Variants in KIF11 observed in about 807,000 individuals in gnomAD.
KIF11 encodes kinesin-like protein KIF11.
A neutral mutation model predicts 121.0 loss-of-function variants in KIF11; 9 were observed. The ratio of observed to expected loss-of-function variants is 0.07; its 90% CI spans 0.04 to 0.13. The LOEUF is 0.13. KIF11 is among the 10% of genes least tolerant of loss of function. The pLI, the probability that KIF11 is intolerant of heterozygous loss-of-function variation, is 1.00. For synonymous variants in KIF11, 408 were observed against 421.0 expected, an observed-to-expected ratio of 0.97 and a Z score of 0.38; for missense variants, 846 against 1,217.5, an observed-to-expected ratio of 0.69 and a Z score of 4.54.
intron 6 of KIF11, among the ~76,000 whole-genome samples, chr10:92,610,502 T>A (rs1354131037): frequency 6.6e-6 from 1 of 152,204 alleles, no homozygotes; most frequent in Non-Finnish European, 1.5e-5. Context: ...AAATTCCAAA[T>A]TCTACAGATA....
chr10:92,629,199 G>C (rs939757934), intron 11 of KIF11, among the ~76,000 whole-genome samples: 7 of 151,884 alleles, frequency 4.6e-5, no homozygotes, highest in Non-Finnish European at 7.4e-5. Context: ...GGCCAGGCTG[G>C]TCTTGAACTC....
chr10:92,643,703 C>T (rs892376646), intron 17 of KIF11, among the ~76,000 whole-genome samples: 2 of 151,860 alleles, frequency 1.3e-5, no homozygotes, highest in Non-Finnish European at 2.9e-5. Context: ...ATTACAGGCA[C>T]CTACCACCAT....
Position 92,628,870 on chromosome 10 carries a change from G to T in KIF11, c.1280G>T (p.Gly427Val), listed in dbSNP as rs975246337. The change falls in exon 11 of 22, where the codon GGT (glycine) becomes GTT (valine). Residue 427 changes from glycine to valine, a missense_variant. Around this residue, in one of 5 missense-constraint regions of KIF11, gnomAD observed 95 missense variants for 109.3 expected, o/e 0.87. Transcript: ENST00000260731. The part of the protein sequence containing the change: ...EQIVELIEKI[G>V]AVEEELNRVT... ...ATTGTAGAATTGATTGAAAAAATTG[G>T]TGCTGTTGAGGAGGAGCTGAATAGG... 6.2e-7 allele frequency: 1 copy of T among 1,600,104 alleles called. No homozygotes were observed. The highest frequency in any genetic ancestry group is 1.3e-5 in the African/African-American group (1 of 74,590).
intron 1 of KIF11, among the ~76,000 whole-genome samples, chr10:92,599,987 A>ATTT (rs556928832): frequency 5.4e-5 from 6 of 110,892 alleles, no homozygotes; most frequent in African/African-American, 2.8e-4. Context: ...ACTTCTGTTT[A>ATTT]TTATTATTAT....
In KIF11 at chr10:92,593,365, C is replaced by T. The variant is rs1844253064; in HGVS notation, c.-11C>T. On this transcript the variant is annotated 5_prime_UTR_variant, in exon 1 of 22. Coordinates refer to ENST00000260731, the MANE Select transcript of KIF11 (RefSeq NM_004523.4). ...CCGCGGCCGGGCCTTGATTTTTTGG[C>T]GGGGACCGTCATGGCGTCGCAGCCA... 2.5e-6 allele frequency: 4 copies of T among 1,602,786 alleles called. No individual in the cohort carries two copies. Among genetic ancestry groups the T allele is most frequent in the South Asian group, 2.2e-5 (2 of 89,046 alleles).
intron 4 of KIF11, among the ~76,000 whole-genome samples, chr10:92,608,295 C>A (rs12247024): frequency 0.087 from 13,132 of 151,358 alleles, 653 homozygotes; most frequent in Middle Eastern, 0.11. Context: ...AAATTATTGA[C>A]AGTTGGGTAG....
intron 21 of KIF11, among the ~76,000 whole-genome samples, chr10:92,651,507 G>GTATTTTTT (rs1554863366): frequency 0.012 from 648 of 52,962 alleles, 200 homozygotes; most frequent in Middle Eastern, 0.037. Context: ...GGCTAATTTT[G>GTATTTTTT]TTTTTTTTTT....
rs1273023170 is a variant in KIF11, at chr10:92,613,335, A to G, written c.790-42A>G. ...TGAGAATGAAAGTCTTTGAATCCAA[A>G]TCCAATAGACTCACTTTTTATTTTT... On this transcript the variant is annotated intron_variant, in intron 7 of 21. Transcript: ENST00000260731. This position sits in a 1 kb window ranked among gnomAD's most constrained non-coding sequence, Gnocchi z 4.2. 2.1e-6 allele frequency: 3 copies of G among 1,414,334 alleles called. No individual in the cohort carries two copies. Among genetic ancestry groups the G allele is most frequent in the Middle Eastern group, 3.8e-4 (2 of 5,278 alleles). 87.6% of individuals were successfully genotyped at this position (1,414,334 alleles called of 1,614,324 possible).
rs41290170 is a variant in KIF11 at position 92,653,906 on chromosome 10, G to A, written c.*110G>A. On this transcript the variant is annotated 3_prime_UTR_variant, in exon 22 of 22. Transcript: ENST00000260731. Reference sequence around the variant, plus strand: ...TTTTAAAAGAATATATATATCAGCCGGGCGCGGTGGCTCATGCCTGTAATC... The same window carrying A: ...TTTTAAAAGAATATATATATCAGCCAGGCGCGGTGGCTCATGCCTGTAATC... The A allele has an allele frequency of 5.6e-3, 5,313 of 945,406 alleles. 35 individuals are homozygous for A. Among genetic ancestry groups the A allele is most frequent in the South Asian group, 0.012 (644 of 52,902 alleles). The allele number at this position is 945,406 out of a possible 1,614,324, so 58.6% of individuals were successfully genotyped here.
intron 10 of KIF11, among the ~76,000 whole-genome samples, chr10:92,625,740 C>T (rs1209398995): frequency 6.6e-6 from 1 of 152,166 alleles, no homozygotes; most frequent in East Asian, 1.9e-4. Flanking sequence ...TTTCTGGATA[C>T]ACAATCATTG....
intron 9 of KIF11, 40 bp downstream of exon 9, chr10:92,616,872 A>T: frequency 8.8e-7 from 1 of 1,135,846 alleles, no homozygotes; most frequent in Non-Finnish European, 1.3e-6. Flanking sequence ...ATCTTGTTTG[A>T]CAAATGTGAA....
At chr10:92,619,645 G>A (rs1292432739) in intron 9 of KIF11, among the ~76,000 whole-genome samples, 1 of 151,956 alleles carries the variant, frequency 6.6e-6, no homozygotes, top group African/African-American at 2.4e-5. Context: ...AGCATTTGGT[G>A]GTGTAACTTT....
At chr10:92,605,564 G>A (rs1844421223) in intron 1 of KIF11, among the ~76,000 whole-genome samples, 2 of 138,796 alleles carry the variant, frequency 1.4e-5, no homozygotes, top group South Asian at 2.3e-4. Context: ...TTGGCTCACC[G>A]CAACCTCCAC....
At position 92,593,482 on chromosome 10, in the gene KIF11, G is replaced by A. The variant is rs371718798; in HGVS notation, c.77+30G>A. Reference sequence around the variant, plus strand: ...GGAGAGGGCTGACAGGATTCCGAGCGCTGCGGCTTCGCTGCTGGGCCCCCT... The same window carrying A: ...GGAGAGGGCTGACAGGATTCCGAGCACTGCGGCTTCGCTGCTGGGCCCCCT... On this transcript the variant is annotated intron_variant, in intron 1 of 21. Transcript: ENST00000260731. The A allele has an allele frequency of 3.1e-6, 5 of 1,588,590 alleles. No homozygotes were observed. In the South Asian group the frequency reaches 4.5e-5, roughly 14 times the overall value.
At chr10:92,593,573 G>A in intron 1 of KIF11, 121 bp downstream of exon 1, 3 of 801,452 alleles carry the variant, frequency 3.7e-6, no homozygotes, top group Non-Finnish European at 5.9e-6. Context: ...TTGGTTCTCC[G>A]CGTTCTGTTC....
In KIF11 at chr10:92,654,777, T is replaced by C. The variant is rs764368888; in HGVS notation, c.*981T>C. On this transcript the variant is annotated 3_prime_UTR_variant, in exon 22 of 22. Transcript: ENST00000260731. Reference sequence around the variant, plus strand: ...TCATTCCTTTAAGAGGCCTAACTCATTCACCCTGACAGAGTTCACAAAAAG... The same window carrying C: ...TCATTCCTTTAAGAGGCCTAACTCACTCACCCTGACAGAGTTCACAAAAAG... 6.6e-6 allele frequency: 1 copy of C among 152,454 alleles called. No individual in the cohort carries two copies. The highest frequency in any genetic ancestry group is 2.4e-5 in the African/African-American group (1 of 41,456). 9.4% of individuals were successfully genotyped at this position (152,454 alleles called of 1,614,324 possible). A position where few individuals can be genotyped will look rare whatever the true frequency, so the allele number is the denominator to read the frequency against.
Position 92,616,717 on chromosome 10 carries a change from A to G in KIF11, c.1033-20A>G, listed in dbSNP as rs1564707745. 4 of 1,295,990 alleles carry G rather than the reference A, an allele frequency of 3.1e-6. No homozygotes were observed. The highest frequency in any genetic ancestry group is 4.5e-6 in the Non-Finnish European group (4 of 896,858). 80.3% of individuals were successfully genotyped at this position (1,295,990 alleles called of 1,614,324 possible). ...ATTCTCACAATATCTTCAGTAATTG[A>G]CCTTTCCTTTCCATGACAGGAAACT... On this transcript the variant is annotated intron_variant, in intron 8 of 21. Transcript: ENST00000260731.
intron 12 of KIF11, among the ~76,000 whole-genome samples, chr10:92,630,703 C>T (rs1376015352): frequency 4.7e-5 from 7 of 149,998 alleles, no homozygotes; most frequent in Admixed American, 4.0e-4. Context: ...CCTGTCTCTA[C>T]TAAAAATACA....
intron 16 of KIF11, among the ~76,000 whole-genome samples, chr10:92,639,453 A>G (rs770256228): frequency 6.6e-6 from 1 of 152,020 alleles, no homozygotes; most frequent in African/African-American, 2.4e-5. Context: ...TTAGCCAGGC[A>G]TGGTGGCTCA....
Sources: gnomAD v4.1 joint callset for allele counts (sites outside exome capture counted in the v4.1 genomes callset) on GRCh38, gnomAD v4.1.1 for gene constraint, gnomAD v4.1.1 regional missense constraint, Gnocchi (gnomAD v3.1) non-coding constraint, MANE v1.5 for transcripts, NCBI Gene and HGNC (gene_info 2026-07-23, HGNC 2026-07-21) for gene names.